ZNF736: variants seen among roughly 807,000 people sequenced by gnomAD.
ZNF736 encodes zinc finger protein 736.
ZNF736 carries 6 observed loss-of-function variants against 11.7 expected under a neutral mutation model. The ratio of observed to expected loss-of-function variants is 0.51; its 90% CI spans 0.28 to 1.01. The LOEUF (loss-of-function observed/expected upper bound fraction) is 1.01. Ranked by LOEUF, ZNF736 falls within the 50% of genes least tolerant of loss-of-function variation. The pLI is 0.09. For synonymous variants in ZNF736, 139 were observed against 164.7 expected (o/e 0.84, Z 1.19); for missense variants, 444 against 496.0 (o/e 0.90, Z 1.00).
intron 3 of ZNF736, among the ~76,000 whole-genome samples, chr7:64,337,996 C>T (rs1241739313): frequency 1.3e-5 from 2 of 152,136 alleles, no homozygotes; most frequent in East Asian, 3.9e-4. Flanking sequence ...CTCAGGTGAT[C>T]TGCCTGCCTT....
chr7:64,337,823 C>T (rs1183898511), intron 3 of ZNF736, among the ~76,000 whole-genome samples: 17 of 144,566 alleles, frequency 1.2e-4, no homozygotes, highest in Admixed American at 1.4e-4. Context: ...GGCACGATCT[C>T]GGCTCCCTGC....
At chr7:64,319,907 G>T (rs1302136927) in intron 1 of ZNF736, among the ~76,000 whole-genome samples, 1 of 152,024 alleles carries the variant, frequency 6.6e-6, no homozygotes, top group African/African-American at 2.4e-5. Flanking sequence ...GAGGCCTAGG[G>T]TAATCACTAT....
rs35939888 is a variant in ZNF736, at chr7:64,350,677, CT to C, written c.*1542del. On this transcript the variant is annotated 3_prime_UTR_variant, in exon 4 of 4. Transcript: ENST00000423484. The stretch of plus-strand genomic sequence containing the variant: ...ATCTTTGAGGTTGCTGACCTTTGGG[CT>C]TTTTTTTTTTTAATCCTATTTGATG... 8,560 of 136,006 alleles carry C rather than the reference CT, an allele frequency of 0.063. 358 individuals carry two copies. The highest frequency in any genetic ancestry group is 0.15 in the Admixed American group (2,137 of 13,908). The allele number at this position is 136,006 out of a possible 1,614,324, so 8.4% of individuals were successfully genotyped here.
At chr7:64,323,739 G>C (rs1051641923) in intron 1 of ZNF736, among the ~76,000 whole-genome samples, 7 of 152,020 alleles carry the variant, frequency 4.6e-5, no homozygotes, top group African/African-American at 1.7e-4. Flanking sequence ...GGCCTGTCAG[G>C]GGGCGGGGAA....
At chr7:64,339,222 TACTA>T in intron 3 of ZNF736, among the ~76,000 whole-genome samples, 2 of 152,268 alleles carry the variant, frequency 1.3e-5, no homozygotes, top group South Asian at 2.1e-4. Context: ...ATATTTTTGA[TACTA>T]ACCACTTATC....
intron 1 of ZNF736, 29 bp downstream of exon 1, chr7:64,314,182 A>AT: frequency 1.3e-6 from 2 of 1,551,630 alleles, no homozygotes; most frequent in Non-Finnish European, 8.7e-7. Flanking sequence ...TGTCCCGAGA[A>AT]TGGGGAAGAG....
intron 1 of ZNF736, among the ~76,000 whole-genome samples, chr7:64,328,899 C>A (rs1421975995): frequency 6.6e-6 from 1 of 151,094 alleles, no homozygotes; most frequent in African/African-American, 2.4e-5. Context: ...CTACCCAGAA[C>A]TTTTTCTCTA....
chr7:64,335,992 A>G (rs1026055734), intron 1 of ZNF736, among the ~76,000 whole-genome samples: 1 of 152,262 alleles, frequency 6.6e-6, no homozygotes, highest in African/African-American at 2.4e-5. Context: ...ATGTAGCATT[A>G]AGAAATGTAC....
At position 64,350,714 on chromosome 7, in the gene ZNF736, T is replaced by C. The variant is rs554328399; in HGVS notation, c.*1567T>C. Reference sequence around the variant, plus strand: ...TAATCCTATTTGATGGTCTTGAGTATTTGATTGTGGTATAAGATGGATGCA... The same window carrying C: ...TAATCCTATTTGATGGTCTTGAGTACTTGATTGTGGTATAAGATGGATGCA... On this transcript the variant is annotated 3_prime_UTR_variant, in exon 4 of 4. Coordinates refer to ENST00000423484, the MANE Select transcript of ZNF736 (RefSeq NM_001170905.3). 2 of 152,146 alleles carry C rather than the reference T, an allele frequency of 1.3e-5. No homozygotes were observed. The highest frequency in any genetic ancestry group is 4.2e-4 in the South Asian group (2 of 4,812). The allele number at this position is 152,146 out of a possible 1,614,324, so 9.4% of individuals were successfully genotyped here.
rs1201912301 is a variant in ZNF736, at chr7:64,355,779, C to T, written c.*6632C>T. 2 of 160,966 alleles carry T rather than the reference C, an allele frequency of 1.2e-5. No homozygotes were observed. 10.0% of individuals were successfully genotyped at this position (160,966 alleles called of 1,614,324 possible). Reference sequence around the variant, plus strand: ...AACAAAACCAAACATATGTTATAACCCAAGGAGATTTTATTTCTGCCCTGC... The same window carrying T: ...AACAAAACCAAACATATGTTATAACTCAAGGAGATTTTATTTCTGCCCTGC... On this transcript the variant is annotated 3_prime_UTR_variant, in exon 4 of 4. Coordinates refer to ENST00000423484, the MANE Select transcript of ZNF736 (RefSeq NM_001170905.3).
Position 64,348,870 on chromosome 7 carries a change from C to T in ZNF736, c.1007C>T (p.Thr336Ile), listed in dbSNP as rs936472058. The change falls in exon 4 of 4, where the codon ACT (threonine) becomes ATT (isoleucine). Residue 336 changes from threonine to isoleucine, a missense_variant. By Grantham distance (89) the Thr-to-Ile change is moderately conservative (BLOSUM62 -1). Coordinates refer to ENST00000423484, the MANE Select transcript of ZNF736 (RefSeq NM_001170905.3). ...CTTAGTAAACATAAGAGAATTCATA[C>T]TGGAGAGAAACCCTACATCTGTGAA... ...SALSKHKRIH[T>I]GEKPYICEEC... 6.2e-7 allele frequency: 1 copy of T among 1,607,248 alleles called. No individual in the cohort carries two copies. Among genetic ancestry groups the T allele is most frequent in the African/African-American group, 1.3e-5 (1 of 74,658 alleles).
intron 1 of ZNF736, among the ~76,000 whole-genome samples, chr7:64,334,133 A>G (rs1391835375): frequency 6.6e-6 from 1 of 152,228 alleles, no homozygotes; most frequent in Admixed American, 6.5e-5. Context: ...TACACCTTAT[A>G]CAAAAATTAA....
intron 1 of ZNF736, among the ~76,000 whole-genome samples, chr7:64,316,944 GTC>G (rs911312745): frequency 4.6e-5 from 7 of 152,172 alleles, no homozygotes; most frequent in African/African-American, 1.4e-4. Flanking sequence ...CAGAGGAAAT[GTC>G]TCTCTCATGA....
At chr7:64,347,847 T>C (rs1178900637) in intron 3 of ZNF736, among the ~76,000 whole-genome samples, 7 of 152,178 alleles carry the variant, frequency 4.6e-5, no homozygotes, top group African/African-American at 7.2e-5. Context: ...TGAAATACTT[T>C]TATTACACTT....
In ZNF736 at chr7:64,313,976, T is replaced by G; in HGVS notation, c.-175T>G. 1.2e-6 allele frequency: 1 copy of G among 801,128 alleles called. No individual in the cohort carries two copies. The highest frequency in any genetic ancestry group is 2.0e-6 in the Non-Finnish European group (1 of 497,962). 49.6% of individuals were successfully genotyped at this position (801,128 alleles called of 1,614,324 possible). A position where few individuals can be genotyped will look rare whatever the true frequency, so the allele number is the denominator to read the frequency against. On this transcript the variant is annotated 5_prime_UTR_variant, in exon 1 of 4. The change abolishes an upstream ATG in the 5' untranslated region. Coordinates refer to ENST00000423484, the MANE Select transcript of ZNF736 (RefSeq NM_001170905.3). ...AGAGGAAGAGGCGGCCTCTTCAATATGGCGGGGCCTTTGTCTCCTAGCTTC... is the reference window on the plus strand; with the variant it reads ...AGAGGAAGAGGCGGCCTCTTCAATAGGGCGGGGCCTTTGTCTCCTAGCTTC...
intron 1 of ZNF736, among the ~76,000 whole-genome samples, chr7:64,316,297 T>C (rs941350865): frequency 1.3e-5 from 2 of 152,214 alleles, no homozygotes; most frequent in African/African-American, 4.8e-5. Flanking sequence ...GCTTTAACAT[T>C]AAGATTTTTT....
chr7:64,330,781 TG>T (rs1789154245), intron 1 of ZNF736, among the ~76,000 whole-genome samples: 1 of 151,042 alleles, frequency 6.6e-6, no homozygotes, highest in Non-Finnish European at 1.5e-5. Context: ...CTGCCAGAAC[TG>T]GTACCTTCCC....
chr7:64,342,796 G>A (rs1054870218), intron 3 of ZNF736, among the ~76,000 whole-genome samples: 11 of 152,092 alleles, frequency 7.2e-5, no homozygotes, highest in African/African-American at 2.6e-4. Flanking sequence ...TAAGTTTACT[G>A]CATACAAAAA....
intron 3 of ZNF736, among the ~76,000 whole-genome samples, chr7:64,343,643 A>G (rs1789369268): frequency 6.6e-6 from 1 of 152,222 alleles, no homozygotes; most frequent in South Asian, 2.1e-4. Flanking sequence ...GCTATCTAGA[A>G]TAATTATTGT....
Sources: allele counts gnomAD v4.1 joint callset (sites outside exome capture counted in the v4.1 genomes callset), GRCh38; gene constraint gnomAD v4.1.1; transcripts MANE v1.5; gene names NCBI Gene and HGNC (gene_info 2026-07-23, HGNC 2026-07-21).